The following CHD6 variants were observed in gnomAD, a reference collection of about 807,000 sequenced individuals.
The protein encoded by CHD6 is chromodomain helicase DNA binding protein 6, also known as ATP-dependent chromatin remodeler CHD6.
Under a neutral mutation model 276.9 loss-of-function variants are expected in CHD6, and 50 were observed. The observed-to-expected ratio is 0.18, with a 90% confidence interval of 0.14 to 0.23. The LOEUF is 0.23. Ranked by LOEUF, CHD6 falls within the 10% of genes least tolerant of loss-of-function variation. CHD6 has a pLI of 1.00. For synonymous variants in CHD6, 1,173 were observed against 1,229.3 expected (o/e 0.95, Z 0.96); for missense variants, 2,564 against 3,365.8 (o/e 0.76, Z 5.89).
Position 41,422,085 on chromosome 20 carries a change from G to A in CHD6, c.4556-6C>T, listed in dbSNP as rs367767751. The A allele has an allele frequency of 3.8e-6, 6 of 1,597,690 alleles. No individual in the cohort carries two copies. In the African/African-American group the frequency reaches 4.0e-5, roughly 11 times the overall value. The stretch of plus-strand genomic sequence containing the variant: ...GATGGTGGTATCTGGGGGACCTGGA[G>A]AGAAAGGGAAATAAAGCCTATCACT... On this transcript the variant is annotated splice_polypyrimidine_tract_variant and splice_region_variant and intron_variant, in intron 30 of 36. Transcript: ENST00000373233.
At chr20:41,549,007 G>A (rs1343919793) in intron 2 of CHD6, among the ~76,000 whole-genome samples, 2 of 152,198 alleles carry the variant, frequency 1.3e-5, no homozygotes, top group African/African-American at 4.8e-5. Context: ...GTGCTGGAGA[G>A]GATGTGGAGA....
At position 41,454,680 on chromosome 20, in the gene CHD6, A is replaced by G; in HGVS notation, c.3066T>C (p.Phe1022=). ...CAGCTATTTTAGCCCATTTCTGCCA[A>G]AAGTTAGGATCATCTAAGGAAATAT... The part of the protein sequence containing the change: ...RTDISLDDPN[F]WQKWAKIAEL... Residue 1022 remains phenylalanine, a synonymous_variant, in exon 20 of 37, where the codon TTT becomes TTC. Coordinates refer to ENST00000373233, the MANE Select transcript of CHD6 (RefSeq NM_032221.5). 6.2e-7 allele frequency: 1 copy of G among 1,613,962 alleles called. No individual in the cohort carries two copies. The highest frequency in any genetic ancestry group is 8.5e-7 in the Non-Finnish European group (1 of 1,179,916).
intron 2 of CHD6, among the ~76,000 whole-genome samples, chr20:41,535,608 C>T (rs1381434127): frequency 4.6e-5 from 7 of 152,102 alleles, no homozygotes; most frequent in African/African-American, 1.7e-4. Context: ...CCTGTAATAC[C>T]AGCACTTTGG....
intron 1 of CHD6, among the ~76,000 whole-genome samples, chr20:41,604,156 C>T (rs1320023023): frequency 6.6e-6 from 1 of 152,036 alleles, no homozygotes; most frequent in East Asian, 1.9e-4. Flanking sequence ...CCCAGGTTTA[C>T]ACAAAAAGAT....
chr20:41,607,239 T>A (rs1296672337), intron 1 of CHD6, among the ~76,000 whole-genome samples: 1 of 152,224 alleles, frequency 6.6e-6, no homozygotes, highest in Non-Finnish European at 1.5e-5. Context: ...AATTTTCAAG[T>A]ACCCATTTAA....
At chr20:41,543,962 AG>A (rs2044993161) in intron 2 of CHD6, among the ~76,000 whole-genome samples, 1 of 152,202 alleles carries the variant, frequency 6.6e-6, no homozygotes, top group East Asian at 1.9e-4. Flanking sequence ...CAGAGCGGCC[AG>A]GCACGGTGGC....
At chr20:41,417,007 C>T (rs1262509878) in intron 32 of CHD6, among the ~76,000 whole-genome samples, 191 bp downstream of exon 32, 1 of 152,190 alleles carries the variant, frequency 6.6e-6, no homozygotes, top group Non-Finnish European at 1.5e-5. Flanking sequence ...CAATTTGACA[C>T]CTTCATCTTA....
At chr20:41,482,468 G>A in intron 16 of CHD6, 3 of 471,320 alleles carry the variant, frequency 6.4e-6, no homozygotes, top group South Asian at 3.2e-5. Context: ...TACATGTAAT[G>A]TACAAGGGCA....
intron 2 of CHD6, among the ~76,000 whole-genome samples, chr20:41,541,036 A>G (rs1049534340): frequency 5.5e-4 from 84 of 151,490 alleles, no homozygotes; most frequent in African/African-American, 1.8e-3. Context: ...AATGTAGAAA[A>G]AAAAAAAAAA....
chr20:41,464,690 A>G (rs1244954125), intron 17 of CHD6, among the ~76,000 whole-genome samples: 1 of 152,232 alleles, frequency 6.6e-6, no homozygotes, highest in Non-Finnish European at 1.5e-5. Context: ...CTCCATGTGC[A>G]CAGAGGGTCT....
At chr20:41,503,529 T>C (rs990678466) in intron 5 of CHD6, among the ~76,000 whole-genome samples, 1 of 152,216 alleles carries the variant, frequency 6.6e-6, no homozygotes, top group Non-Finnish European at 1.5e-5. Flanking sequence ...CATTCAATAT[T>C]GTACTACTTA....
At chr20:41,533,753 C>A (rs937502038) in intron 2 of CHD6, among the ~76,000 whole-genome samples, 183 bp from the exon 3 acceptor site, 1 of 152,192 alleles carries the variant, frequency 6.6e-6, no homozygotes, top group Non-Finnish European at 1.5e-5. Flanking sequence ...GGCCTTTACA[C>A]TTGTGGAGCT....
rs373733112 is a variant in CHD6 at position 41,580,645 on chromosome 20, C to CAAAAA, written c.-23-29290_-23-29286dup. ...TGGGTGACACAGTGAAACCCAGTCT[C>CAAAAA]AAAAAAAAAAAAAAAAAGGAAAAGA... On this transcript the variant is annotated intron_variant, in intron 1 of 36. Transcript: ENST00000373233. Among the ~76,000 whole-genome samples the CAAAAA allele has an allele frequency of 5.6e-3, 391 of 69,246 alleles. 12 individuals carry two copies. Among genetic ancestry groups the CAAAAA allele is most frequent in the Middle Eastern group, 0.018 (2 of 110 alleles). The allele number at this position is 69,246 out of a possible 152,430, so 45.4% of individuals were successfully genotyped here.
Position 41,491,125 on chromosome 20 carries a change from C to T in CHD6, c.1436+573G>A, listed in dbSNP as rs766111579. On this transcript the variant is annotated intron_variant, in intron 11 of 36. Coordinates refer to ENST00000373233, the MANE Select transcript of CHD6 (RefSeq NM_032221.5). ...TTATAAATACTGTACACTAAGGCTA[C>T]ACTCAATTTATTTAAAAATATTTTT... Among the ~76,000 whole-genome samples the T allele has an allele frequency of 1.3e-3, 199 of 152,024 alleles. 1 individual carries two copies. Among genetic ancestry groups the T allele is most frequent in the Non-Finnish European group, 2.0e-3 (139 of 68,000 alleles).
intron 2 of CHD6, among the ~76,000 whole-genome samples, chr20:41,540,934 C>T (rs892483674): frequency 6.6e-6 from 1 of 150,838 alleles, no homozygotes; most frequent in Admixed American, 6.6e-5. Context: ...AAGTTATTTC[C>T]TAATTAAAAT....
chr20:41,545,907 C>T (rs902566746), intron 2 of CHD6, among the ~76,000 whole-genome samples: 1 of 152,134 alleles, frequency 6.6e-6, no homozygotes, highest in African/African-American at 2.4e-5. Context: ...CTTTTTAGAA[C>T]ACTCTCAATT....
chr20:41,446,563 T>C (rs1230289446), intron 24 of CHD6, among the ~76,000 whole-genome samples: 1 of 152,064 alleles, frequency 6.6e-6, no homozygotes, highest in Non-Finnish European at 1.5e-5. Context: ...GGCTTCTCCC[T>C]CCCCCTCCAG....
At chr20:41,592,431 G>A (rs972604796) in intron 1 of CHD6, among the ~76,000 whole-genome samples, 1 of 152,166 alleles carries the variant, frequency 6.6e-6, no homozygotes, top group South Asian at 2.1e-4. Flanking sequence ...AGAGTCTTTT[G>A]AGAAAGATAG....
chr20:41,593,855 C>T (rs773904210), intron 1 of CHD6, among the ~76,000 whole-genome samples: 4 of 152,184 alleles, frequency 2.6e-5, no homozygotes, highest in East Asian at 1.9e-4. Flanking sequence ...AGAAAGAAAC[C>T]GAACCTGCTG....
Sources: allele counts gnomAD v4.1 joint callset (sites outside exome capture counted in the v4.1 genomes callset), GRCh38; gene constraint gnomAD v4.1.1; transcripts MANE v1.5; gene names NCBI Gene and HGNC (gene_info 2026-07-23, HGNC 2026-07-21).